RNF14: variants seen among roughly 807,000 people sequenced by gnomAD.
RNF14 encodes E3 ubiquitin-protein ligase RNF14.
A neutral mutation model predicts 52.6 loss-of-function variants in RNF14; 26 were observed. That is an observed-to-expected ratio of 0.49 (90% CI 0.36 to 0.69). The LOEUF (loss-of-function observed/expected upper bound fraction) is 0.69, where lower values mean the gene tolerates loss of function less well. Ranked by LOEUF, RNF14 falls within the 30% of genes least tolerant of loss-of-function variation. The pLI is 0.00. For missense variants in RNF14, 404 were observed against 560.4 expected, an observed-to-expected ratio of 0.72 and a Z score of 2.82; for synonymous variants, 194 against 202.0, an observed-to-expected ratio of 0.96 and a Z score of 0.34.
chr5:141,969,015 G>C (rs966307259), upstream of RNF14: 2 of 152,272 alleles, frequency 1.3e-5, no homozygotes, highest in Non-Finnish European at 2.9e-5. Flanking sequence ...AGGCGCCCGA[G>C]AGGCAGGGGC....
At chr5:141,979,615 A>C (rs142377927) in intron 5 of RNF14, among the ~76,000 whole-genome samples, 1 of 152,168 alleles carries the variant, frequency 6.6e-6, no homozygotes, top group South Asian at 2.1e-4. Context: ...TAAATCATAC[A>C]AGGCTAGCAT....
upstream of RNF14, among the ~76,000 whole-genome samples, chr5:141,964,887 A>G (rs1753306415): frequency 6.6e-6 from 1 of 151,188 alleles, no homozygotes; most frequent in Non-Finnish European, 1.5e-5. Context: ...TCGGCCTCCC[A>G]AAGGGCTGGG....
At chr5:141,968,547 C>A (rs755017987), upstream of RNF14, among the ~76,000 whole-genome samples, 11 of 152,184 alleles carry the variant, frequency 7.2e-5, no homozygotes, top group Non-Finnish European at 1.2e-4. Context: ...TTGGTAAGTT[C>A]TTGCACCTAA....
At chr5:141,959,486 G>A (rs1308536069) in intron 1 of RNF14, among the ~76,000 whole-genome samples, 1 of 152,144 alleles carries the variant, frequency 6.6e-6, no homozygotes, top group Non-Finnish European at 1.5e-5. Flanking sequence ...GTTGATCCCT[G>A]AGGCTCATGA....
chr5:141,966,825 C>G (rs1354745990), upstream of RNF14: 1 of 152,262 alleles, frequency 6.6e-6, no homozygotes, highest in Non-Finnish European at 1.5e-5. Context: ...TGAGGATTTC[C>G]CAAGCTGGTT....
upstream of RNF14, chr5:141,956,562 CAG>C (rs1478661271): frequency 6.2e-7 from 1 of 1,614,064 alleles, no homozygotes; most frequent in East Asian, 2.2e-5. Flanking sequence ...CTTGGGCTAA[CAG>C]AGTGAGGGTA....
chr5:141,979,233 G>GT (rs1561552736), intron 5 of RNF14, among the ~76,000 whole-genome samples: 2,964 of 150,664 alleles, frequency 0.02, 92 homozygotes, highest in African/African-American at 0.069. Flanking sequence ...GGTGGTGGTG[G>GT]TGTTGTTGTT....
chr5:141,968,626 T>TCTTAC (rs1753446722), upstream of RNF14, among the ~76,000 whole-genome samples: 1 of 152,216 alleles, frequency 6.6e-6, no homozygotes, highest in Admixed American at 6.5e-5. Flanking sequence ...ACAGTGAAGA[T>TCTTAC]AGAAAATTTA....
At position 141,984,428 on chromosome 5, in the gene RNF14, A is replaced by G. The variant is rs145747414; in HGVS notation, c.1237-375A>G. Reference sequence around the variant, plus strand: ...ATCACTTTTGACATACCTTAGCCCTATGACAGAGTGGAGGACTTGGTACCA... The same window carrying G: ...ATCACTTTTGACATACCTTAGCCCTGTGACAGAGTGGAGGACTTGGTACCA... On this transcript the variant is annotated intron_variant, in intron 7 of 8. Transcript: ENST00000394520. Among the ~76,000 whole-genome samples the G allele has an allele frequency of 4.6e-3, 694 of 152,258 alleles. 10 individuals carry two copies. Among genetic ancestry groups the G allele is most frequent in the African/African-American group, 0.016 (659 of 41,546 alleles).
chr5:141,955,124 G>A (rs439293), upstream of RNF14: 8 of 1,614,116 alleles, frequency 5.0e-6, no homozygotes, highest in Non-Finnish European at 6.8e-6. This position sits in a 1 kb window ranked among gnomAD's most constrained non-coding sequence, Gnocchi z 5.5. Flanking sequence ...TGCCGTCTCA[G>A]GGTTGCAGAG....
upstream of RNF14, among the ~76,000 whole-genome samples, chr5:141,966,093 C>A (rs1278022105): frequency 2.0e-5 from 3 of 152,032 alleles, no homozygotes; most frequent in South Asian, 6.2e-4. Context: ...CCAGCCTGGG[C>A]AACATGGTGA....
At chr5:141,959,148 C>G (rs1370206486) in intron 1 of RNF14, 1 of 152,358 alleles carries the variant, frequency 6.6e-6, no homozygotes, top group Non-Finnish European at 1.5e-5. Flanking sequence ...CAGCCTCCCA[C>G]TCCTCTTGGA....
chr5:141,988,734 C>G lies in RNF14; in HGVS notation c.*944C>G, dbSNP rs1755437394. On this transcript the variant is annotated 3_prime_UTR_variant, in exon 9 of 9. Transcript: ENST00000394520. Reference sequence around the variant, plus strand: ...TGTTCTTGAATTATATCTGCATTTACCACTGTATATGCATATAGTGACAGT... The same window carrying G: ...TGTTCTTGAATTATATCTGCATTTAGCACTGTATATGCATATAGTGACAGT... 6.6e-6 allele frequency: 1 copy of G among 152,300 alleles called. No individual in the cohort carries two copies. The highest frequency in any genetic ancestry group is 2.4e-5 in the African/African-American group (1 of 41,438). 9.4% of individuals were successfully genotyped at this position (152,300 alleles called of 1,614,324 possible). A position where few individuals can be genotyped will look rare whatever the true frequency, so the allele number is the denominator to read the frequency against.
chr5:141,978,582 A>G lies in RNF14; in HGVS notation c.586A>G (p.Asn196Asp), dbSNP rs1419714072. The G allele has an allele frequency of 6.2e-7, 1 of 1,614,126 alleles. No individual in the cohort carries two copies. The highest frequency in any genetic ancestry group is 1.3e-5 in the African/African-American group (1 of 75,060). Residue 196 changes from asparagine to aspartate, a missense_variant, in exon 5 of 9, where the codon AAT becomes GAT. Transcript: ENST00000394520. ...RAVQDVESLS[N>D]LIQEILDFDQ... ...AGTGCAGGATGTGGAATCACTGTCA[A>G]ATCTGATCCAGGAAATCTTGGACTT...
upstream of RNF14, chr5:141,954,935 G>A: frequency 6.3e-7 from 1 of 1,582,556 alleles, no homozygotes; most frequent in Non-Finnish European, 8.6e-7. Flanking sequence ...GGTGGTCCAG[G>A]AGTGACCAGA....
intron 1 of RNF14, among the ~76,000 whole-genome samples, chr5:141,960,557 G>A (rs1269624628): frequency 6.6e-6 from 1 of 152,128 alleles, no homozygotes; most frequent in African/African-American, 2.4e-5. Flanking sequence ...ATGATGCAGT[G>A]GCCTGGGTTC....
chr5:141,971,488 C>A (rs896974936), intron 2 of RNF14, among the ~76,000 whole-genome samples: 2 of 152,040 alleles, frequency 1.3e-5, no homozygotes, highest in African/African-American at 4.8e-5. Context: ...CCTGCCTTGG[C>A]CTCCCAAAGT....
chr5:141,959,227 ATTC>A (rs2126933360), intron 1 of RNF14, among the ~76,000 whole-genome samples: 1 of 151,726 alleles, frequency 6.6e-6, no homozygotes, highest in Non-Finnish European at 1.5e-5. Flanking sequence ...CCTTCCTCCA[ATTC>A]TTCTCTCCCC....
At chr5:141,960,002 A>G (rs1029583733) in intron 1 of RNF14, among the ~76,000 whole-genome samples, 44 of 152,256 alleles carry the variant, frequency 2.9e-4, no homozygotes, top group African/African-American at 1.0e-3. Flanking sequence ...TTTATGCCTC[A>G]TACGCAAATG....
Sources: allele counts gnomAD v4.1 joint callset (sites outside exome capture counted in the v4.1 genomes callset), GRCh38; gene constraint gnomAD v4.1.1; non-coding constraint Gnocchi (gnomAD v3.1); transcripts MANE v1.5; gene names NCBI Gene and HGNC (gene_info 2026-07-23, HGNC 2026-07-21).